The following PTPRN2 variants were observed in gnomAD, a reference collection of about 807,000 sequenced individuals.
PTPRN2 encodes the protein protein tyrosine phosphatase receptor type N2, also known as receptor-type tyrosine-protein phosphatase N2.
Under a neutral mutation model 118.8 loss-of-function variants are expected in PTPRN2, and 74 were observed. The ratio of observed to expected loss-of-function variants is 0.62; its 90% CI spans 0.52 to 0.76. PTPRN2 has a LOEUF of 0.76. Ranked by LOEUF, PTPRN2 falls within the 30% of genes least tolerant of loss-of-function variation. The pLI is 0.00. For missense variants in PTPRN2, 1,481 were observed against 1,394.4 expected, an observed-to-expected ratio of 1.06 and a Z score of -0.99; for synonymous variants, 641 against 608.0, an observed-to-expected ratio of 1.05 and a Z score of -0.80.
intron 10 of PTPRN2, among the ~76,000 whole-genome samples, chr7:158,084,992 TGCCCATACACTCCGAC>T (rs1813182006): frequency 3.9e-5 from 3 of 76,056 alleles, no homozygotes; most frequent in South Asian, 5.3e-4. Context: ...TCCACACGGA[TGCCCATACACTCCGAC>T]ACCCATCCAC....
chr7:158,302,937 G>T (rs1232723860), intron 3 of PTPRN2, among the ~76,000 whole-genome samples: 1 of 152,174 alleles, frequency 6.6e-6, no homozygotes. Flanking sequence ...GAGAATCCAA[G>T]TGTTTTCTGT....
chr7:157,766,346 T>C (rs753518515), intron 12 of PTPRN2, among the ~76,000 whole-genome samples: 2 of 139,334 alleles, frequency 1.4e-5, no homozygotes, highest in South Asian at 5.0e-4. Flanking sequence ...CATCCATCCA[T>C]CCATCATCCA....
intron 11 of PTPRN2, among the ~76,000 whole-genome samples, chr7:158,071,816 CGT>C (rs1811864544): frequency 3.8e-5 from 2 of 53,262 alleles, no homozygotes; most frequent in Non-Finnish European, 6.8e-5. Flanking sequence ...AGGTGCTCGT[CGT>C]ATGGAGGTGC....
At chr7:158,016,231 G>A (rs1273538048) in intron 11 of PTPRN2, among the ~76,000 whole-genome samples, 3 of 152,192 alleles carry the variant, frequency 2.0e-5, no homozygotes, top group African/African-American at 4.8e-5. Context: ...CGGGAGGTCC[G>A]GATGACTTTC....
chr7:157,868,215 C>T lies in PTPRN2; in HGVS notation c.1788+30458G>A, dbSNP rs898329468. Among the ~76,000 whole-genome samples the T allele has an allele frequency of 2.0e-5, 3 of 152,214 alleles. No individual in the cohort carries two copies. In the East Asian group the frequency reaches 5.8e-4, roughly 29 times the overall value. On this transcript the variant is annotated intron_variant, in intron 12 of 22. Coordinates refer to ENST00000389418, the MANE Select transcript of PTPRN2 (RefSeq NM_002847.5). The surrounding 1 kb of genome is among the most constrained non-coding windows in gnomAD (Gnocchi z 5.2). ...CGATGGCTCCGACAGCCCAGTGGTG[C>T]ACCTACAACTGCTTCCCATCGAGGT...
At chr7:157,747,832 CTT>C (rs1801092208) in intron 12 of PTPRN2, among the ~76,000 whole-genome samples, 1 of 129,036 alleles carries the variant, frequency 7.7e-6, no homozygotes, top group Non-Finnish European at 1.6e-5. Context: ...CGTCCCTGAG[CTT>C]TGGGCTGTCC....
chr7:158,161,235 TG>T (rs1368411494), intron 6 of PTPRN2, among the ~76,000 whole-genome samples: 8 of 152,172 alleles, frequency 5.3e-5, no homozygotes, highest in Non-Finnish European at 7.3e-5. Flanking sequence ...AAAGTTTATA[TG>T]TAGAGGCGAG....
chr7:157,544,040 C>CGGAGAGAGGTGGAGAGAGAT (rs1798142149), intron 22 of PTPRN2, among the ~76,000 whole-genome samples: 1 of 146,666 alleles, frequency 6.8e-6, no homozygotes, highest in African/African-American at 2.5e-5. Flanking sequence ...TGGAGAGAGA[C>CGGAGAGAGGTGGAGAGAGAT]GGAGAGAGGT....
chr7:157,583,504 G>A lies in PTPRN2; in HGVS notation c.2497-5364C>T, dbSNP rs1296364792. ...AGAAACGGTAACTACGCGAGGAGAC[G>A]TGTATTCATTAGCTTGACTGTGGTC... On this transcript the variant is annotated intron_variant, in intron 17 of 22. Transcript: ENST00000389418. This position sits in a 1 kb window ranked among gnomAD's most constrained non-coding sequence, Gnocchi z 5.5. Among the ~76,000 whole-genome samples, 4 of 152,146 alleles carry A rather than the reference G, an allele frequency of 2.6e-5. No individual in the cohort carries two copies. Among genetic ancestry groups the A allele is most frequent in the East Asian group, 1.9e-4 (1 of 5,194 alleles).
intron 12 of PTPRN2, among the ~76,000 whole-genome samples, chr7:157,733,557 TTG>T (rs1437408411): frequency 7.7e-5 from 2 of 26,102 alleles, no homozygotes; most frequent in East Asian, 6.5e-4. Context: ...CAGTTACTCT[TTG>T]CCGTCCCATG....
At chr7:157,575,858 A>G (rs7791552) in intron 19 of PTPRN2, among the ~76,000 whole-genome samples, 69,497 of 152,106 alleles carry the variant, frequency 0.46, 16,370 homozygotes, top group Middle Eastern at 0.57. Context: ...GACATATTCT[A>G]TACAATTTAG....
At chr7:158,016,432 G>T (rs535274701) in intron 11 of PTPRN2, among the ~76,000 whole-genome samples, 1 of 152,320 alleles carries the variant, frequency 6.6e-6, no homozygotes, top group African/African-American at 2.4e-5. Flanking sequence ...GGGCCACTCA[G>T]GGGCCTCCCT....
chr7:158,110,044 CCAGT>C (rs1816094602), intron 10 of PTPRN2, among the ~76,000 whole-genome samples: 1 of 152,064 alleles, frequency 6.6e-6, no homozygotes, highest in African/African-American at 2.4e-5. Context: ...TGTGAAGGGG[CCAGT>C]GAGTGAACAA....
intron 2 of PTPRN2, among the ~76,000 whole-genome samples, chr7:158,344,769 G>A (rs569024047): frequency 2.0e-5 from 3 of 152,280 alleles, no homozygotes; most frequent in African/African-American, 7.2e-5. Flanking sequence ...ACAGACCCCA[G>A]CACCTTTCAT....
chr7:157,642,523 G>C (rs2150697354), intron 14 of PTPRN2, among the ~76,000 whole-genome samples: 1 of 152,178 alleles, frequency 6.6e-6, no homozygotes, highest in Non-Finnish European at 1.5e-5. Context: ...CCTCGCCTCG[G>C]GTTTCTCCAG....
chr7:158,250,182 C>T (rs375802207), intron 3 of PTPRN2, among the ~76,000 whole-genome samples: 8 of 152,070 alleles, frequency 5.3e-5, no homozygotes, highest in Admixed American at 2.6e-4. Context: ...CAAGGAAAGC[C>T]GAACAACAGG....
intron 14 of PTPRN2, among the ~76,000 whole-genome samples, chr7:157,628,281 C>T (rs973923444): frequency 7.2e-5 from 11 of 152,208 alleles, no homozygotes; most frequent in African/African-American, 7.2e-5. Flanking sequence ...TCGTCAGCAC[C>T]GTCTTCCGGT....
chr7:158,114,042 G>A (rs1202301286), intron 9 of PTPRN2, among the ~76,000 whole-genome samples: 5 of 152,194 alleles, frequency 3.3e-5, no homozygotes, highest in Admixed American at 3.3e-4. Flanking sequence ...GCTGCAACTG[G>A]AGCCCAGGAC....
chr7:158,098,075 C>T (rs1814793233), intron 10 of PTPRN2, among the ~76,000 whole-genome samples: 1 of 152,114 alleles, frequency 6.6e-6, no homozygotes, highest in Non-Finnish European at 1.5e-5. Context: ...AGTGTGTGCC[C>T]GTGGCTGCTG....
Sources: allele counts gnomAD v4.1 joint callset (sites outside exome capture counted in the v4.1 genomes callset), GRCh38; gene constraint gnomAD v4.1.1; non-coding constraint Gnocchi (gnomAD v3.1); transcripts MANE v1.5; gene names NCBI Gene and HGNC (gene_info 2026-07-23, HGNC 2026-07-21).